Variants in NPLOC4 observed in about 807,000 individuals in gnomAD.
The protein encoded by NPLOC4 is NPL4 homolog, ubiquitin recognition factor.
In NPLOC4, 18 loss-of-function variants were observed where a neutral mutation model predicts 80.6. The ratio of observed to expected loss-of-function variants is 0.22; its 90% confidence interval spans 0.15 to 0.33. The LOEUF (loss-of-function observed/expected upper bound fraction) is 0.33. Ranked by LOEUF, NPLOC4 falls within the 10% of genes least tolerant of loss-of-function variation. The pLI is 1.00. For synonymous variants in NPLOC4, 313 were observed against 301.5 expected, an observed-to-expected ratio of 1.04 and a Z score of -0.39; for missense variants, 540 against 786.1, an observed-to-expected ratio of 0.69 and a Z score of 3.74.
In NPLOC4 at chr17:81,572,059, G is replaced by C; in HGVS notation, c.1311C>G (p.Thr437=). Residue 437 remains threonine, a synonymous_variant, in exon 13 of 17, where the codon ACC becomes ACG. Transcript: ENST00000331134. This position sits in a 1 kb window ranked among gnomAD's most constrained non-coding sequence, Gnocchi z 4.5. ...KDVDKFGNEI[T]QLARPLPVEY... Reference sequence around the variant, plus strand: ...CCACAGGCAGGGGCCGGGCCAGCTGGGTGATCTCGTTGCCAAACTTGTCTA... The same window carrying C: ...CCACAGGCAGGGGCCGGGCCAGCTGCGTGATCTCGTTGCCAAACTTGTCTA... The C allele has an allele frequency of 1.2e-6, 2 of 1,609,256 alleles. No individual in the cohort carries two copies. Among genetic ancestry groups the C allele is most frequent in the Non-Finnish European group, 1.7e-6 (2 of 1,177,260 alleles).
intron 16 of NPLOC4, 86 bp from the exon 17 acceptor site, chr17:81,559,502 G>C: frequency 7.0e-7 from 1 of 1,430,242 alleles, no homozygotes. Context: ...GGGGCAGGCA[G>C]CTGAGAGCTC....
At chr17:81,622,712 G>T (rs1408970429) in intron 2 of NPLOC4, among the ~76,000 whole-genome samples, 2 of 151,716 alleles carry the variant, frequency 1.3e-5, no homozygotes, top group Non-Finnish European at 2.9e-5. Flanking sequence ...CACCACACCC[G>T]GCTGATTTTT....
chr17:81,630,785 G>A (rs7405937), intron 1 of NPLOC4, among the ~76,000 whole-genome samples: 69,448 of 151,956 alleles, frequency 0.46, 17,338 homozygotes, highest in East Asian at 0.77. Context: ...GCTGAGGCAC[G>A]AGGATCACTT....
intron 8 of NPLOC4, among the ~76,000 whole-genome samples, chr17:81,602,958 T>C (rs1384900544): frequency 1.4e-5 from 2 of 141,120 alleles, no homozygotes; most frequent in African/African-American, 5.4e-5. Context: ...CACATATATA[T>C]ACACACATAT....
intron 5 of NPLOC4, among the ~76,000 whole-genome samples, chr17:81,609,811 T>C (rs1486146505): frequency 6.6e-6 from 1 of 152,200 alleles, no homozygotes; most frequent in African/African-American, 2.4e-5. Context: ...TCGGCATTAT[T>C]ACGGTAACTC....
At chr17:81,583,052 AGTGT>A (rs1320411600) in intron 12 of NPLOC4, among the ~76,000 whole-genome samples, 2 of 152,270 alleles carry the variant, frequency 1.3e-5, no homozygotes, top group Non-Finnish European at 2.9e-5. Context: ...CGTGACGCAG[AGTGT>A]GTGTGACACA....
chr17:81,586,413 C>T (rs907888149), intron 12 of NPLOC4, among the ~76,000 whole-genome samples: 3 of 152,052 alleles, frequency 2.0e-5, no homozygotes, highest in East Asian at 1.9e-4. Flanking sequence ...AGTTCAAGAC[C>T]GGCCTGGCCA....
At chr17:81,618,552 G>C (rs1306631286) in intron 3 of NPLOC4, among the ~76,000 whole-genome samples, 1 of 76,788 alleles carries the variant, frequency 1.3e-5, no homozygotes, top group Non-Finnish European at 2.5e-5. Context: ...CAGTGCCCCC[G>C]CCCGGCCAGC....
intron 11 of NPLOC4, among the ~76,000 whole-genome samples, chr17:81,595,349 G>A (rs1168709671): frequency 3.3e-5 from 5 of 149,810 alleles, no homozygotes; most frequent in Non-Finnish European, 5.9e-5. Flanking sequence ...CACAAAAATC[G>A]CTTGAACCCA....
rs529470001 is a variant in NPLOC4 at position 81,625,802 on chromosome 17, A to G, written c.97-3524T>C. 3.1e-4 allele frequency among the ~76,000 whole-genome samples: 46 copies of G among 148,826 alleles called. No individual in the cohort carries two copies. The South Asian group carries it at 4.9e-3, about 16-fold the overall frequency. On this transcript the variant is annotated intron_variant, in intron 2 of 16. Transcript: ENST00000331134. Reference sequence around the variant, plus strand: ...ATAATCTGAAGGCAGAGATTTGGGGAAAAAAAAAACAGCCTTAGGAACCCA... The same window carrying G: ...ATAATCTGAAGGCAGAGATTTGGGGGAAAAAAAAACAGCCTTAGGAACCCA...
chr17:81,625,574 C>G (rs1158624002), intron 2 of NPLOC4, among the ~76,000 whole-genome samples: 1 of 152,030 alleles, frequency 6.6e-6, no homozygotes, highest in Non-Finnish European at 1.5e-5. Flanking sequence ...AGGGAGAGAG[C>G]AGAAGAGTCA....
In NPLOC4 at chr17:81,596,168, C is replaced by A. The variant is rs2034904325; in HGVS notation, c.1068G>T (p.Arg356=). 3.1e-6 allele frequency: 5 copies of A among 1,613,936 alleles called. No individual in the cohort carries two copies. The highest frequency in any genetic ancestry group is 4.2e-6 in the Non-Finnish European group (5 of 1,179,856). The change falls in exon 11 of 17, where the codon CGG becomes CGT. Residue 356 remains arginine (R), a synonymous_variant. Transcript: ENST00000331134. ...ATCCAAAATGTCCGTCTGGAGAGAG[C>A]CGGCACATGTTGGGATGCTTGTTCT... ...DFQNKHPNMC[R]LSPDGHFGSK...
chr17:81,605,747 A>G (rs905592019), intron 7 of NPLOC4, among the ~76,000 whole-genome samples: 1 of 152,150 alleles, frequency 6.6e-6, no homozygotes, highest in African/African-American at 2.4e-5. Context: ...CTATCAATAA[A>G]TTCAAAATAA....
intron 1 of NPLOC4, among the ~76,000 whole-genome samples, chr17:81,631,294 G>A (rs1035297329): frequency 2.6e-5 from 4 of 151,160 alleles, no homozygotes; most frequent in African/African-American, 7.3e-5. Flanking sequence ...CCTATAATCT[G>A]TGCACTTCAG....
chr17:81,559,702 G>A (rs1020364311), intron 16 of NPLOC4, among the ~76,000 whole-genome samples: 5 of 151,820 alleles, frequency 3.3e-5, no homozygotes, highest in African/African-American at 9.7e-5. Flanking sequence ...ACTCCCCGGG[G>A]GATGTGCATT....
intron 12 of NPLOC4, among the ~76,000 whole-genome samples, chr17:81,575,403 C>T (rs1294911391): frequency 1.3e-5 from 2 of 152,212 alleles, no homozygotes; most frequent in East Asian, 3.8e-4. Context: ...GCCCAGCTGA[C>T]ACTTGGTTTC....
At position 81,634,338 on chromosome 17, in the gene NPLOC4, A is replaced by G. The variant is rs187442699; in HGVS notation, c.15+2578T>C. On this transcript the variant is annotated intron_variant, in intron 1 of 16. Coordinates refer to ENST00000331134, the MANE Select transcript of NPLOC4 (RefSeq NM_017921.4). ...AAAAGATCTCTTTCTTAAATTCAAAATAACTTTTTAAATCAATTTCAAAAG... is the reference window on the plus strand; with the variant it reads ...AAAAGATCTCTTTCTTAAATTCAAAGTAACTTTTTAAATCAATTTCAAAAG... 1.7e-4 allele frequency among the ~76,000 whole-genome samples: 26 copies of G among 152,248 alleles called. No homozygotes were observed. In the East Asian group the frequency reaches 4.5e-3, roughly 26 times the overall value.
At chr17:81,618,784 A>AT (rs2035582616) in intron 3 of NPLOC4, among the ~76,000 whole-genome samples, 1 of 152,040 alleles carries the variant, frequency 6.6e-6, no homozygotes, top group African/African-American at 2.4e-5. Flanking sequence ...TGGGGAAAAG[A>AT]TTGAGAAATC....
At chr17:81,630,246 A>G (rs1215663563) in intron 1 of NPLOC4, among the ~76,000 whole-genome samples, 3 of 151,420 alleles carry the variant, frequency 2.0e-5, no homozygotes, top group Admixed American at 1.3e-4. Flanking sequence ...AGTCTTCAAG[A>G]GTCCTACAAT....
Sources: gnomAD v4.1 joint callset for allele counts (sites outside exome capture counted in the v4.1 genomes callset) on GRCh38, gnomAD v4.1.1 for gene constraint, Gnocchi (gnomAD v3.1) non-coding constraint, MANE v1.5 for transcripts, NCBI Gene and HGNC (gene_info 2026-07-23, HGNC 2026-07-21) for gene names.